HMGCS2: variants seen among roughly 807,000 people sequenced by gnomAD.
HMGCS2 encodes hydroxymethylglutaryl-CoA synthase, mitochondrial.
In HMGCS2, 50 loss-of-function variants were observed where a neutral mutation model predicts 57.4. That is an observed-to-expected ratio of 0.87 (90% CI 0.69 to 1.10). HMGCS2 has a LOEUF of 1.10. HMGCS2 is among the 50% of genes least tolerant of loss of function. The probability of loss-of-function intolerance (pLI) is 0.00; values close to 1 mark genes in which losing one functional copy is unlikely to be tolerated. For synonymous variants in HMGCS2, 254 were observed against 245.1 expected (o/e 1.04, Z -0.34); for missense variants, 627 against 636.5 (o/e 0.99, Z 0.16).
intron 1 of HMGCS2, among the ~76,000 whole-genome samples, chr1:119,768,013 T>A (rs924403514): frequency 1.3e-5 from 2 of 152,148 alleles, no homozygotes; most frequent in African/African-American, 4.8e-5. Context: ...TTCTAAATAT[T>A]TAGTAGTCAT....
rs1433333813 is a variant in HMGCS2, at chr1:119,764,494, C to T, written c.237G>A (p.Val79=). 1 of 1,612,500 alleles carries T rather than the reference C, an allele frequency of 6.2e-7. No homozygotes were observed. Among genetic ancestry groups the T allele is most frequent in the African/African-American group, 1.3e-5 (1 of 75,008 alleles). Residue 79 remains valine (V), a synonymous_variant, in exon 2 of 10, where the codon GTG becomes GTA. Coordinates refer to ENST00000369406, the MANE Select transcript of HMGCS2 (RefSeq NM_005518.4). The stretch of plus-strand genomic sequence containing the variant: ...AGCCCACTGTATACTTTCCTGCTTC[C>T]ACATTGTTATACTTCTCCAGGTCAG... ...DQTDLEKYNN[V]EAGKYTVGLG...
At position 119,768,757 on chromosome 1, in the gene HMGCS2, G is replaced by A. The variant is rs202069145; in HGVS notation, c.88C>T (p.Pro30Ser). 2.5e-6 allele frequency: 4 copies of A among 1,613,556 alleles called. No individual in the cohort carries two copies. The highest frequency in any genetic ancestry group is 4.5e-5 in the East Asian group (2 of 44,876). ...ETSLTPARLL[P>S]VAHQRFSTAS... ...GTGACTCACCTTTGGTGGGCTACTGGGAGCAGGCGAGCAGGTGTGAGGGAG... is the reference window on the plus strand; with the variant it reads ...GTGACTCACCTTTGGTGGGCTACTGAGAGCAGGCGAGCAGGTGTGAGGGAG... Residue 30 changes from proline to serine, a missense_variant, in exon 1 of 10, where the codon CCA becomes TCA. By Grantham distance (74) the Pro-to-Ser change is moderately conservative. Transcript: ENST00000369406.
chr1:119,764,094 G>A, intron 2 of HMGCS2, 78 bp downstream of exon 2: 1 of 1,272,254 alleles, frequency 7.9e-7, no homozygotes, highest in Non-Finnish European at 1.1e-6. Context: ...GCCACCTGGG[G>A]AACTGAAAAG....
chr1:119,764,176 C>T lies in HMGCS2; in HGVS notation c.555G>A (p.Trp185Ter). The change falls in exon 2 of 10, where the codon TGG (tryptophan) becomes TGA (stop). Residue 185 changes from tryptophan to a stop codon, truncating the protein, a stop_gained. Transcript: ENST00000369406. LOFTEE classifies it high-confidence loss of function. ...AAGGTTCGTGGCCGTACATACCATCCCAGGAACTGGACTCCATCCAGTTGG... is the reference window on the plus strand; with the variant it reads ...AAGGTTCGTGGCCGTACATACCATCTCAGGAACTGGACTCCATCCAGTTGG... ...NAANWMESSS[W>*]DGRYAMVVCG... 1.2e-6 allele frequency: 2 copies of T among 1,613,042 alleles called. No homozygotes were observed. The highest frequency in any genetic ancestry group is 1.7e-6 in the Non-Finnish European group (2 of 1,179,930).
At chr1:119,752,788 G>T (rs1652707336) in intron 7 of HMGCS2, 114 bp from the exon 8 acceptor site, 3 of 1,153,140 alleles carry the variant, frequency 2.6e-6, no homozygotes, top group Non-Finnish European at 3.9e-6. Context: ...GGAGGAACGT[G>T]TGGTGTGTGT....
chr1:119,759,550 C>T lies in HMGCS2; in HGVS notation c.686-268G>A, dbSNP rs1571037804. 4 of 578,748 alleles carry T rather than the reference C, an allele frequency of 6.9e-6. 1 individual carries two copies. In the Admixed American group the frequency reaches 1.2e-4, roughly 17 times the overall value. 35.9% of individuals were successfully genotyped at this position (578,748 alleles called of 1,614,324 possible). On this transcript the variant is annotated intron_variant, in intron 3 of 9. Coordinates refer to ENST00000369406, the MANE Select transcript of HMGCS2 (RefSeq NM_005518.4). ...AACAGTCTCAAAGGAAAGACTTTCACTTTATATCCAGTTATATATTTTAAT... is the reference window on the plus strand; with the variant it reads ...AACAGTCTCAAAGGAAAGACTTTCATTTTATATCCAGTTATATATTTTAAT...
rs766584879 is a variant in HMGCS2 at position 119,764,499 on chromosome 1, T to C, written c.232A>G (p.Asn78Asp). 3.1e-6 allele frequency: 5 copies of C among 1,613,234 alleles called. No homozygotes were observed. The change falls in exon 2 of 10, where the codon AAT becomes GAT. Residue 78 changes from asparagine (N) to aspartate (D), a missense_variant. Asn to Asp is a conservative substitution (Grantham distance 23, BLOSUM62 1). Coordinates refer to ENST00000369406, the MANE Select transcript of HMGCS2 (RefSeq NM_005518.4). The stretch of plus-strand genomic sequence containing the variant: ...ACTGTATACTTTCCTGCTTCCACAT[T>C]GTTATACTTCTCCAGGTCAGTTTGG... Reference protein sequence around the residue: ...VDQTDLEKYNNVEAGKYTVGL... With the variant: ...VDQTDLEKYNDVEAGKYTVGL...
chr1:119,753,857 A>G (rs936642680), intron 6 of HMGCS2, among the ~76,000 whole-genome samples: 5 of 151,344 alleles, frequency 3.3e-5, no homozygotes, highest in African/African-American at 1.2e-4. Context: ...AAGTTCACCC[A>G]TAAGCACTTT....
At chr1:119,766,131 T>C (rs1653219611) in intron 1 of HMGCS2, among the ~76,000 whole-genome samples, 1 of 152,202 alleles carries the variant, frequency 6.6e-6, no homozygotes, top group Non-Finnish European at 1.5e-5. Context: ...AAAATCTGTG[T>C]TCCCTTTTGT....
In HMGCS2 at chr1:119,765,553, T is replaced by C. The variant is rs587716519; in HGVS notation, c.105-927A>G. Among the ~76,000 whole-genome samples, 6 of 152,366 alleles carry C rather than the reference T, an allele frequency of 3.9e-5. No homozygotes were observed. In the East Asian group the frequency reaches 9.6e-4, roughly 24 times the overall value. On this transcript the variant is annotated intron_variant, in intron 1 of 9. Coordinates refer to ENST00000369406, the MANE Select transcript of HMGCS2 (RefSeq NM_005518.4). Reference sequence around the variant, plus strand: ...ACCTTAAAGATTATAACATGCATAATTGGCTTGTTGTAATCTTACTTAAAT... The same window carrying C: ...ACCTTAAAGATTATAACATGCATAACTGGCTTGTTGTAATCTTACTTAAAT...
chr1:119,753,221 G>T, intron 7 of HMGCS2, 59 bp downstream of exon 7: 1 of 1,009,112 alleles, frequency 9.9e-7, no homozygotes, highest in Non-Finnish European at 1.6e-6. Context: ...TGGGGAAGAA[G>T]ATGGTTATTC....
chr1:119,757,860 C>T (rs1652902883), intron 4 of HMGCS2, among the ~76,000 whole-genome samples: 1 of 152,266 alleles, frequency 6.6e-6, no homozygotes, highest in African/African-American at 2.4e-5. Flanking sequence ...AATGCAATCT[C>T]TGCCCTTAGG....
chr1:119,768,910 A>G, upstream of HMGCS2: 1 of 1,150,120 alleles, frequency 8.7e-7, no homozygotes, highest in South Asian at 1.3e-5. Flanking sequence ...AGAGATGCCC[A>G]GTGGTGCCCG....
At chr1:119,752,186 G>C (rs1652682610) in intron 8 of HMGCS2, among the ~76,000 whole-genome samples, 1 of 152,186 alleles carries the variant, frequency 6.6e-6, no homozygotes, top group South Asian at 2.1e-4. Flanking sequence ...TAAACAGCTA[G>C]TGAGTGGCAC....
intron 2 of HMGCS2, among the ~76,000 whole-genome samples, chr1:119,760,425 T>C (rs1470870415): frequency 7.2e-5 from 11 of 152,100 alleles, no homozygotes; most frequent in Admixed American, 7.2e-4. Flanking sequence ...TCCAATGAGG[T>C]AGGTAACATC....
chr1:119,759,067 C>T (rs752954321), intron 4 of HMGCS2, 51 bp downstream of exon 4: 3 of 1,581,834 alleles, frequency 1.9e-6, no homozygotes, highest in South Asian at 2.2e-5. Flanking sequence ...GGGTACAAAC[C>T]CTTGGCCTAT....
chr1:119,753,495 C>T (rs2101250331), intron 6 of HMGCS2, 109 bp from the exon 7 acceptor site: 2 of 707,242 alleles, frequency 2.8e-6, no homozygotes, highest in Non-Finnish European at 5.0e-6. Flanking sequence ...GAACAACAGC[C>T]TATCATCCCG....
intron 2 of HMGCS2, among the ~76,000 whole-genome samples, chr1:119,761,147 A>G (rs955061678): frequency 2.0e-5 from 3 of 148,014 alleles, no homozygotes; most frequent in Admixed American, 1.4e-4. Context: ...TATTTAGTAT[A>G]TATAAATATA....
At position 119,755,600 on chromosome 1, in the gene HMGCS2, G is replaced by C; in HGVS notation, c.1017-3C>G. On this transcript the variant is annotated splice_polypyrimidine_tract_variant and splice_region_variant and intron_variant, in intron 5 of 9. Coordinates refer to ENST00000369406, the MANE Select transcript of HMGCS2 (RefSeq NM_005518.4). ...AGGTGTCTTCCAGCTTTAGCCCCCT[G>C]TGAGGTAGCCAGAGGTAGCCATGTG... 1 of 1,614,040 alleles carries C rather than the reference G, an allele frequency of 6.2e-7. No individual in the cohort carries two copies. The highest frequency in any genetic ancestry group is 1.1e-5 in the South Asian group (1 of 91,080).
Sources: gnomAD v4.1 joint callset for allele counts (sites outside exome capture counted in the v4.1 genomes callset) on GRCh38, gnomAD v4.1.1 for gene constraint, MANE v1.5 for transcripts, NCBI Gene and HGNC (gene_info 2026-07-23, HGNC 2026-07-21) for gene names.